SC5D: variants seen among roughly 807,000 people sequenced by gnomAD.
The protein encoded by SC5D is lathosterol oxidase.
SC5D carries 21 observed loss-of-function variants against 23.9 expected under a neutral mutation model. The observed-to-expected ratio is 0.88, with a 90% CI of 0.62 to 1.26. The LOEUF (loss-of-function observed/expected upper bound fraction) is 1.26, where lower values mean the gene tolerates loss of function less well. Among genes scored for constraint, SC5D ranks in the 50% most tolerant of loss-of-function variants. The pLI is 0.00. For synonymous variants in SC5D, 113 were observed against 125.9 expected (o/e 0.90, Z 0.68); for missense variants, 309 against 364.8 (o/e 0.85, Z 1.25).
Position 121,307,788 on chromosome 11 carries a change from C to A in SC5D, c.*276C>A. 3.1e-6 allele frequency: 1 copy of A among 319,848 alleles called. No individual in the cohort carries two copies. Among genetic ancestry groups the A allele is most frequent in the South Asian group, 5.0e-5 (1 of 20,040 alleles). 19.8% of individuals were successfully genotyped at this position (319,848 alleles called of 1,614,324 possible). ...AGCAGCAGATCTGTAGTTTGTATAG[C>A]CTCAACAACAATTTTAAATAAGATG... On this transcript the variant is annotated 3_prime_UTR_variant, in exon 5 of 5. Coordinates refer to ENST00000264027, the MANE Select transcript of SC5D (RefSeq NM_006918.5).
intron 1 of SC5D, 143 bp from the exon 2 acceptor site, chr11:121,303,223 G>A: frequency 1.5e-6 from 1 of 664,518 alleles, no homozygotes; most frequent in Non-Finnish European, 2.7e-6. Flanking sequence ...TCTAAAGATG[G>A]CATGTAGGGG....
rs1947990370 is a variant in SC5D, at chr11:121,309,169, G to A, written c.*1657G>A. ...TGTCCCATGTGGATGTTTGTGGTCAGTGGACAGCTTTCCACCTAGTCTTTC... is the reference window on the plus strand; with the variant it reads ...TGTCCCATGTGGATGTTTGTGGTCAATGGACAGCTTTCCACCTAGTCTTTC... On this transcript the variant is annotated 3_prime_UTR_variant, in exon 5 of 5. Coordinates refer to ENST00000264027, the MANE Select transcript of SC5D (RefSeq NM_006918.5). Among the ~76,000 whole-genome samples the A allele has an allele frequency of 6.6e-6, 1 of 152,224 alleles. No homozygotes were observed. The highest frequency in any genetic ancestry group is 1.5e-5 in the Non-Finnish European group (1 of 68,026).
At chr11:121,304,640 C>T in intron 3 of SC5D, 147 bp downstream of exon 3, 5 of 691,354 alleles carry the variant, frequency 7.2e-6, no homozygotes, top group Middle Eastern at 7.9e-4. Flanking sequence ...TTCATGTGTT[C>T]ATGTCTTGCC....
At chr11:121,297,031 A>G (rs1296818528) in intron 1 of SC5D, among the ~76,000 whole-genome samples, 2 of 152,242 alleles carry the variant, frequency 1.3e-5, no homozygotes, top group Non-Finnish European at 2.9e-5. Flanking sequence ...AGGTAAATGC[A>G]AATTAAGTAT....
chr11:121,305,885 TTC>T (rs1200844995), intron 3 of SC5D: 6 of 168,156 alleles, frequency 3.6e-5, no homozygotes, highest in African/African-American at 1.4e-4. Context: ...GAGGTAAAAC[TTC>T]CAAGACAGTG....
intron 1 of SC5D, among the ~76,000 whole-genome samples, chr11:121,299,968 T>A (rs1452441997): frequency 6.6e-6 from 1 of 152,224 alleles, no homozygotes; most frequent in Non-Finnish European, 1.5e-5. Context: ...GGGAGAAGTT[T>A]TGACCTTTGC....
intron 2 of SC5D, chr11:121,303,797 C>T: frequency 1.9e-6 from 1 of 528,806 alleles, no homozygotes; most frequent in Non-Finnish European, 3.4e-6. Flanking sequence ...AACTATAAGT[C>T]TAGTATCGTA....
At position 121,311,417 on chromosome 11, in the gene SC5D, A is replaced by G. The variant is rs1347056792; in HGVS notation, c.*3905A>G. Among the ~76,000 whole-genome samples, 6 of 152,190 alleles carry G rather than the reference A, an allele frequency of 3.9e-5. No individual in the cohort carries two copies. The highest frequency in any genetic ancestry group is 8.8e-5 in the Non-Finnish European group (6 of 68,036). On this transcript the variant is annotated 3_prime_UTR_variant, in exon 5 of 5. Coordinates refer to ENST00000264027, the MANE Select transcript of SC5D (RefSeq NM_006918.5). ...AAAGATGGTCCCTACATCAAGGATA[A>G]ACTATCTTTTTTTAGTCACTCAAAG...
At chr11:121,300,976 A>G (rs1019804011) in intron 1 of SC5D, among the ~76,000 whole-genome samples, 3 of 152,234 alleles carry the variant, frequency 2.0e-5, no homozygotes, top group Non-Finnish European at 4.4e-5. Flanking sequence ...CACAGCAACA[A>G]CAAAAGCAAC....
intron 3 of SC5D, 41 bp downstream of exon 3, chr11:121,304,534 G>A (rs755935477): frequency 3.8e-6 from 6 of 1,590,388 alleles, no homozygotes; most frequent in Non-Finnish European, 5.2e-6. Context: ...AGTAGTCTAA[G>A]CACAGGTTAG....
chr11:121,311,843 A>C lies in SC5D; in HGVS notation c.*4331A>C, dbSNP rs556121365. Among the ~76,000 whole-genome samples the C allele has an allele frequency of 7.2e-5, 11 of 152,298 alleles. No homozygotes were observed. Among genetic ancestry groups the C allele is most frequent in the Middle Eastern group, 3.4e-3 (1 of 294 alleles). On this transcript the variant is annotated 3_prime_UTR_variant, in exon 5 of 5. Transcript: ENST00000264027. Reference sequence around the variant, plus strand: ...TTGATGCTTTTTCTTTCTAGATTCAATGATTATTGTCATTTTACCTCCATA... The same window carrying C: ...TTGATGCTTTTTCTTTCTAGATTCACTGATTATTGTCATTTTACCTCCATA...
Position 121,307,645 on chromosome 11 carries a change from T to C in SC5D, c.*133T>C. The C allele has an allele frequency of 1.5e-6, 1 of 658,330 alleles. No homozygotes were observed. The allele number at this position is 658,330 out of a possible 1,614,324, so 40.8% of individuals were successfully genotyped here. A position where few individuals can be genotyped will look rare whatever the true frequency, so the allele number is the denominator to read the frequency against. ...TGGTATCATTTGGAAATCAGCATCG[T>C]GGGCACTGCTGAGGAATGATCCTAG... On this transcript the variant is annotated 3_prime_UTR_variant, in exon 5 of 5. Coordinates refer to ENST00000264027, the MANE Select transcript of SC5D (RefSeq NM_006918.5).
chr11:121,298,984 G>A (rs1420644155), intron 1 of SC5D, among the ~76,000 whole-genome samples: 2 of 152,148 alleles, frequency 1.3e-5, no homozygotes, highest in African/African-American at 2.4e-5. Context: ...GGCAGGAACC[G>A]GCCATTTTCA....
rs1259713611 is a variant in SC5D at position 121,298,703 on chromosome 11, T to C, written c.-10-4663T>C. Reference sequence around the variant, plus strand: ...GGGACATTGCTGAAAGGTTTCTAAATGCACATAATTGTCACGCACGTCCAT... The same window carrying C: ...GGGACATTGCTGAAAGGTTTCTAAACGCACATAATTGTCACGCACGTCCAT... On this transcript the variant is annotated intron_variant, in intron 1 of 4. Transcript: ENST00000264027. Among the ~76,000 whole-genome samples, 3 of 152,318 alleles carry C rather than the reference T, an allele frequency of 2.0e-5. No individual in the cohort carries two copies. The East Asian group carries it at 5.8e-4, about 29-fold the overall frequency.
chr11:121,294,967 A>G (rs1947878859), intron 1 of SC5D, among the ~76,000 whole-genome samples: 1 of 152,208 alleles, frequency 6.6e-6, no homozygotes, highest in Non-Finnish European at 1.5e-5. Context: ...CTCCCTTGGC[A>G]GTCTTCACCC....
At position 121,311,360 on chromosome 11, in the gene SC5D, G is replaced by A. The variant is rs1015386149; in HGVS notation, c.*3848G>A. Among the ~76,000 whole-genome samples the A allele has an allele frequency of 6.6e-6, 1 of 152,110 alleles. No individual in the cohort carries two copies. The highest frequency in any genetic ancestry group is 2.4e-5 in the African/African-American group (1 of 41,408). On this transcript the variant is annotated 3_prime_UTR_variant, in exon 5 of 5. Coordinates refer to ENST00000264027, the MANE Select transcript of SC5D (RefSeq NM_006918.5). The stretch of plus-strand genomic sequence containing the variant: ...TTAGCTGACATTTGCTAAGTGCTTT[G>A]GAGGGGTCAAAAGGGGAAGTAATGA...
chr11:121,305,577 AT>A (rs1947957902), intron 3 of SC5D: 1 of 152,332 alleles, frequency 6.6e-6, no homozygotes, highest in Non-Finnish European at 1.5e-5. Context: ...AATACAAAAA[AT>A]TAGCGGGGTG....
intron 2 of SC5D, 40 bp from the exon 3 acceptor site, chr11:121,304,321 G>T: frequency 6.2e-7 from 1 of 1,604,310 alleles, no homozygotes; most frequent in South Asian, 1.1e-5. Flanking sequence ...TGTTTAACAT[G>T]GATTTTGTGA....
At chr11:121,298,476 A>G (rs911962780) in intron 1 of SC5D, among the ~76,000 whole-genome samples, 1 of 152,214 alleles carries the variant, frequency 6.6e-6, no homozygotes, top group Non-Finnish European at 1.5e-5. Context: ...AATGTTTAAC[A>G]TTTTAGCTGA....
Sources: allele counts gnomAD v4.1 joint callset (sites outside exome capture counted in the v4.1 genomes callset), GRCh38; gene constraint gnomAD v4.1.1; transcripts MANE v1.5; gene names NCBI Gene and HGNC (gene_info 2026-07-23, HGNC 2026-07-21).